Variants in DRC11 observed in about 807,000 individuals in gnomAD.
The protein encoded by DRC11 is dynein regulatory complex subunit 11, also known as IQ and AAA domain-containing protein 1.
chr2:236,503,602 T>C, the DRC11 span: 2 of 1,545,216 alleles, frequency 1.3e-6, no homozygotes, highest in Non-Finnish European at 1.8e-6. This position sits in a 1 kb window ranked among gnomAD's most constrained non-coding sequence, Gnocchi z 4.9. Flanking sequence ...TGAGCAGCTT[T>C]GAAAGCACAC....
chr2:236,497,301 G>C, the DRC11 span: 10 of 1,613,778 alleles, frequency 6.2e-6, no homozygotes, highest in Admixed American at 3.3e-5. The surrounding 1 kb of genome is among the most constrained non-coding windows in gnomAD (Gnocchi z 5.1). Flanking sequence ...TTCGTTTCTG[G>C]GGGTGGACGA....
At chr2:236,429,494 G>C in the DRC11 span, among the ~76,000 whole-genome samples, 658 of 152,240 alleles carry the variant, frequency 4.3e-3, 6 homozygotes, top group African/African-American at 0.014. The surrounding 1 kb of genome is among the most constrained non-coding windows in gnomAD (Gnocchi z 5.9). Context: ...ATCTAGTTGT[G>C]GGGGCCAGGC....
the DRC11 span, among the ~76,000 whole-genome samples, chr2:236,506,030 T>C: frequency 6.6e-6 from 1 of 152,236 alleles, no homozygotes; most frequent in Non-Finnish European, 1.5e-5. This position sits in a 1 kb window ranked among gnomAD's most constrained non-coding sequence, Gnocchi z 4.9. Context: ...AATCAGCTCC[T>C]GTCAAGGTCA....
chr2:236,324,480 G>A, the DRC11 span: 1 of 458,776 alleles, frequency 2.2e-6, no homozygotes, highest in East Asian at 3.8e-5. This position sits in a 1 kb window ranked among gnomAD's most constrained non-coding sequence, Gnocchi z 5.7. Flanking sequence ...TCCAGCCTGG[G>A]AAAGGCATAA....
chr2:236,494,162 T>C, the DRC11 span, among the ~76,000 whole-genome samples: 5 of 152,156 alleles, frequency 3.3e-5, no homozygotes, highest in African/African-American at 1.2e-4. The surrounding 1 kb of genome is among the most constrained non-coding windows in gnomAD (Gnocchi z 4.2). Context: ...AACTAATGAT[T>C]ACTTAATAGA....
At chr2:236,398,117 G>C in the DRC11 span, among the ~76,000 whole-genome samples, 1 of 152,180 alleles carries the variant, frequency 6.6e-6, no homozygotes, top group Non-Finnish European at 1.5e-5. The surrounding 1 kb of genome is among the most constrained non-coding windows in gnomAD (Gnocchi z 6.2). Flanking sequence ...TATTAAATGA[G>C]ATGGGCATGG....
chr2:236,477,117 G>A, the DRC11 span, among the ~76,000 whole-genome samples: 1 of 152,076 alleles, frequency 6.6e-6, no homozygotes, highest in Non-Finnish European at 1.5e-5. Context: ...CTTATAGAAT[G>A]AGTTTGAAAG....
At chr2:236,377,089 C>G in the DRC11 span, 1 of 1,497,058 alleles carries the variant, frequency 6.7e-7, no homozygotes, top group Non-Finnish European at 9.3e-7. The surrounding 1 kb of genome is among the most constrained non-coding windows in gnomAD (Gnocchi z 4.9). Context: ...ATGTATTATT[C>G]TCTGTGTACT....
chr2:236,434,123 C>T, the DRC11 span, among the ~76,000 whole-genome samples: 1 of 152,176 alleles, frequency 6.6e-6, no homozygotes, highest in Non-Finnish European at 1.5e-5. This position sits in a 1 kb window ranked among gnomAD's most constrained non-coding sequence, Gnocchi z 5.5. Context: ...TGGTGTTTTA[C>T]TAATTTAATG....
the DRC11 span, among the ~76,000 whole-genome samples, chr2:236,347,740 C>T: frequency 6.6e-6 from 1 of 151,322 alleles, no homozygotes; most frequent in Non-Finnish European, 1.5e-5. Context: ...TGAAAGACTA[C>T]AAAAAGGGTG....
chr2:236,385,286 C>T, the DRC11 span, among the ~76,000 whole-genome samples: 1 of 145,278 alleles, frequency 6.9e-6, no homozygotes. Context: ...ATTCTTCCTA[C>T]CCATGAGCAT....
chr2:236,497,072 G>T, the DRC11 span: 1 of 999,280 alleles, frequency 1.0e-6, no homozygotes, highest in East Asian at 2.6e-5. This position sits in a 1 kb window ranked among gnomAD's most constrained non-coding sequence, Gnocchi z 5.1. Flanking sequence ...ACACGGACAG[G>T]AAGTCTGTAG....
chr2:236,341,336 C>T, the DRC11 span, among the ~76,000 whole-genome samples: 2 of 152,134 alleles, frequency 1.3e-5, no homozygotes, highest in African/African-American at 2.4e-5. Flanking sequence ...GCACTCGAGG[C>T]GCAGGTGGGA....
the DRC11 span, among the ~76,000 whole-genome samples, chr2:236,352,205 C>T: frequency 5.9e-5 from 9 of 151,902 alleles, no homozygotes; most frequent in African/African-American, 1.9e-4. The surrounding 1 kb of genome is among the most constrained non-coding windows in gnomAD (Gnocchi z 7.0). Context: ...AGGAGGGGGG[C>T]GGCCAGCGGT....
At chr2:236,388,440 C>T in the DRC11 span, among the ~76,000 whole-genome samples, 1 of 151,548 alleles carries the variant, frequency 6.6e-6, no homozygotes, top group Non-Finnish European at 1.5e-5. Flanking sequence ...ACCCTTTCTT[C>T]CAGTTGATCG....
At chr2:236,357,345 TATTA>T in the DRC11 span, among the ~76,000 whole-genome samples, 1 of 114,848 alleles carries the variant, frequency 8.7e-6, no homozygotes, top group South Asian at 2.4e-4. Flanking sequence ...TGAATATATA[TATTA>T]TATGTATATA....
the DRC11 span, among the ~76,000 whole-genome samples, chr2:236,371,758 T>A: frequency 6.6e-6 from 1 of 152,172 alleles, no homozygotes; most frequent in African/African-American, 2.4e-5. This position sits in a 1 kb window ranked among gnomAD's most constrained non-coding sequence, Gnocchi z 5.1. Context: ...CTTTCATGTT[T>A]ATCAGTTTGT....
At chr2:236,402,490 A>C in the DRC11 span, among the ~76,000 whole-genome samples, 1 of 152,374 alleles carries the variant, frequency 6.6e-6, no homozygotes, top group Non-Finnish European at 1.5e-5. The surrounding 1 kb of genome is among the most constrained non-coding windows in gnomAD (Gnocchi z 6.0). Context: ...AAATGGGATC[A>C]CAAGAGCTTC....
the DRC11 span, among the ~76,000 whole-genome samples, chr2:236,460,823 C>T: frequency 3.3e-5 from 5 of 152,264 alleles, no homozygotes; most frequent in Admixed American, 1.3e-4. This position sits in a 1 kb window ranked among gnomAD's most constrained non-coding sequence, Gnocchi z 4.0. Context: ...GGTGAATTCT[C>T]GGCTCACTGC....
Sources: allele counts gnomAD v4.1 joint callset (sites outside exome capture counted in the v4.1 genomes callset), GRCh38; gene constraint gnomAD v4.1.1; non-coding constraint Gnocchi (gnomAD v3.1); transcripts MANE v1.5; gene names NCBI Gene and HGNC (gene_info 2026-07-23, HGNC 2026-07-21).